The following RAP1A variants were observed in gnomAD, a reference collection of about 807,000 sequenced individuals.
The protein encoded by RAP1A is RAP1A, member of RAS oncogene family.
A neutral mutation model predicts 26.4 loss-of-function variants in RAP1A; 6 were observed. The observed-to-expected ratio is 0.23, with a 90% confidence interval of 0.12 to 0.45. RAP1A has a LOEUF of 0.45. Ranked by LOEUF, RAP1A falls within the 20% of genes least tolerant of loss-of-function variation. The pLI, the probability that RAP1A is intolerant of heterozygous loss-of-function variation, is 0.99. For synonymous variants in RAP1A, 73 were observed against 79.4 expected (o/e 0.92, Z 0.43); for missense variants, 121 against 217.2 (o/e 0.56, Z 2.78).
chr1:111,704,148 A>ATTTTTTTTTTTTTT (rs71078091), intron 5 of RAP1A, among the ~76,000 whole-genome samples, 195 bp from the exon 6 acceptor site: 1 of 136,866 alleles, frequency 7.3e-6, no homozygotes. Context: ...GATCTCTTCC[A>ATTTTTTTTTTTTTT]TTTTTTTTTT....
Position 111,688,814 on chromosome 1 carries a change from T to G in RAP1A, c.-27-2520T>G, listed in dbSNP as rs370955413. On this transcript the variant is annotated intron_variant, in intron 1 of 7. Transcript: ENST00000369709. ...TAGATGGGTTTTTGTTTTTGTTTTTTTTTTTTTGTTTTTTTTTTTGTTTTT... is the reference window on the plus strand; with the variant it reads ...TAGATGGGTTTTTGTTTTTGTTTTTGTTTTTTTGTTTTTTTTTTTGTTTTT... Among the ~76,000 whole-genome samples the G allele has an allele frequency of 5.0e-3, 367 of 72,938 alleles. 1 individual carries two copies. The highest frequency in any genetic ancestry group is 0.019 in the East Asian group (54 of 2,824). The allele number at this position is 72,938 out of a possible 152,430, so 47.9% of individuals were successfully genotyped here.
chr1:111,622,557 C>G (rs1401059496), intron 1 of RAP1A, among the ~76,000 whole-genome samples: 2 of 152,212 alleles, frequency 1.3e-5, no homozygotes, highest in Admixed American at 6.5e-5. Flanking sequence ...TATCCTCTCA[C>G]CCTACCTTAT....
chr1:111,586,067 G>C (rs1044866859), intron 1 of RAP1A, among the ~76,000 whole-genome samples: 6 of 152,090 alleles, frequency 3.9e-5, no homozygotes, highest in Admixed American at 2.0e-4. Flanking sequence ...TAAAACTCTT[G>C]ATTCTTGTTC....
At chr1:111,616,928 A>G (rs557704988), upstream of RAP1A, among the ~76,000 whole-genome samples, 104 of 152,298 alleles carry the variant, frequency 6.8e-4, no homozygotes, top group African/African-American at 2.4e-3. Flanking sequence ...TTTTCATTGC[A>G]TAGAGAACAG....
intron 1 of RAP1A, among the ~76,000 whole-genome samples, chr1:111,572,503 T>C (rs1481937749): frequency 6.6e-6 from 1 of 152,214 alleles, no homozygotes; most frequent in Non-Finnish European, 1.5e-5. Context: ...TCACTTCTCA[T>C]CTTTGGAGGC....
At position 111,659,754 on chromosome 1, in the gene RAP1A, C is replaced by T. The variant is rs539537620; in HGVS notation, c.-27-31580C>T. Among the ~76,000 whole-genome samples, 97 of 152,180 alleles carry T rather than the reference C, an allele frequency of 6.4e-4. 1 individual carries two copies. The highest frequency in any genetic ancestry group is 3.7e-3 in the South Asian group (18 of 4,828). On this transcript the variant is annotated intron_variant, in intron 1 of 7. Transcript: ENST00000369709. ...TTACTTCATTTTTTCTCCTCACTTA[C>T]TGTATTATACTTGTTTTTACTTTTT...
At chr1:111,632,921 CAAAAAAA>C (rs59053038) in intron 1 of RAP1A, among the ~76,000 whole-genome samples, 1,060 of 68,770 alleles carry the variant, frequency 0.015, 12 homozygotes, top group Middle Eastern at 0.049. Flanking sequence ...AACTTGGTCT[CAAAAAAA>C]AAAAAAAAAA....
intron 1 of RAP1A, among the ~76,000 whole-genome samples, chr1:111,557,826 C>T (rs74112336): frequency 0.11 from 16,102 of 152,032 alleles, 2,165 homozygotes; most frequent in African/African-American, 0.31. Flanking sequence ...GAAATGTGAA[C>T]AGTGACAGCA....
chr1:111,590,922 T>C (rs532666756), intron 1 of RAP1A, among the ~76,000 whole-genome samples: 33 of 152,362 alleles, frequency 2.2e-4, no homozygotes, highest in African/African-American at 7.2e-4. Flanking sequence ...CAGTCAGTTC[T>C]TCCTTTTCTA....
chr1:111,695,890 C>T (rs1372222308), intron 3 of RAP1A, among the ~76,000 whole-genome samples: 1 of 152,092 alleles, frequency 6.6e-6, no homozygotes, highest in East Asian at 1.9e-4. Flanking sequence ...ATGTACCATG[C>T]CAAAAGAAAA....
At chr1:111,700,934 T>G (rs1662003776) in intron 4 of RAP1A, among the ~76,000 whole-genome samples, 1 of 152,222 alleles carries the variant, frequency 6.6e-6, no homozygotes, top group Admixed American at 6.5e-5. Context: ...TATCTTGGTC[T>G]AAACAGTTGT....
At chr1:111,618,083 G>A (rs1412118266), upstream of RAP1A, among the ~76,000 whole-genome samples, 4 of 151,662 alleles carry the variant, frequency 2.6e-5, no homozygotes, top group African/African-American at 9.7e-5. Context: ...ATGAGAAAAA[G>A]CATTTCTCAT....
At chr1:111,589,345 T>C (rs1357927547) in intron 1 of RAP1A, among the ~76,000 whole-genome samples, 3 of 152,210 alleles carry the variant, frequency 2.0e-5, no homozygotes, top group Non-Finnish European at 4.4e-5. Flanking sequence ...CTCAGGAGGC[T>C]GAGGCAGGAG....
intron 1 of RAP1A, among the ~76,000 whole-genome samples, chr1:111,563,186 G>A (rs1032373023): frequency 2.0e-5 from 3 of 152,094 alleles, no homozygotes; most frequent in Non-Finnish European, 4.4e-5. Context: ...GAGGCAGGAG[G>A]ATCGATTTAG....
rs1238511041 is a variant in RAP1A at position 111,713,685 on chromosome 1, T to G, written c.*1284T>G. The G allele has an allele frequency of 6.6e-6, 1 of 152,230 alleles. No individual in the cohort carries two copies. Among genetic ancestry groups the G allele is most frequent in the Non-Finnish European group, 1.5e-5 (1 of 68,030 alleles). 9.4% of individuals were successfully genotyped at this position (152,230 alleles called of 1,614,324 possible). ...ATGGTAGTAGTAATATGGAAGAGAT[T>G]GCTAAGTTAAAATTGTAGCTTCCTA... On this transcript the variant is annotated 3_prime_UTR_variant, in exon 8 of 8. Coordinates refer to ENST00000369709, the MANE Select transcript of RAP1A (RefSeq NM_002884.4).
At chr1:111,605,765 G>C (rs1658759790) in intron 1 of RAP1A, among the ~76,000 whole-genome samples, 1 of 152,206 alleles carries the variant, frequency 6.6e-6, no homozygotes. Flanking sequence ...GCAGTCTCCT[G>C]GGCCACAGCT....
At chr1:111,625,496 C>T (rs181942761) in intron 1 of RAP1A, among the ~76,000 whole-genome samples, 5 of 152,144 alleles carry the variant, frequency 3.3e-5, no homozygotes, top group Non-Finnish European at 4.4e-5. Flanking sequence ...ATGTGTAATC[C>T]AGAGAGTAAA....
intron 1 of RAP1A, among the ~76,000 whole-genome samples, chr1:111,622,744 A>G (rs1005895168): frequency 6.6e-6 from 1 of 152,202 alleles, no homozygotes; most frequent in Non-Finnish European, 1.5e-5. Flanking sequence ...CTCACATTTA[A>G]ATTTTGGATG....
rs149504288 is a variant in RAP1A at position 111,704,357 on chromosome 1, G to A, written c.339G>A (p.Leu113=). 1.2e-5 allele frequency: 19 copies of A among 1,613,478 alleles called. No homozygotes were observed. Among genetic ancestry groups the A allele is most frequent in the Non-Finnish European group, 1.5e-5 (18 of 1,179,798 alleles). ...VKDTEDVPMI[L]VGNKCDLEDE... ...TCTTCCCACAGGTTCCAATGATTTT[G>A]GTTGGCAATAAATGTGACCTGGAAG... The change falls in exon 6 of 8, where the codon TTG becomes TTA. Residue 113 remains leucine, a synonymous_variant. Transcript: ENST00000369709.
Sources: gnomAD v4.1 joint callset for allele counts (sites outside exome capture counted in the v4.1 genomes callset) on GRCh38, gnomAD v4.1.1 for gene constraint, MANE v1.5 for transcripts, NCBI Gene and HGNC (gene_info 2026-07-23, HGNC 2026-07-21) for gene names.